Variants in AUTS2 observed in about 807,000 individuals in gnomAD.
The protein encoded by AUTS2 is activator of transcription and developmental regulator AUTS2.
Under a neutral mutation model 112.4 loss-of-function variants are expected in AUTS2, and 17 were observed. That is an observed-to-expected ratio of 0.15 (90% CI 0.10 to 0.23). The LOEUF (loss-of-function observed/expected upper bound fraction) is 0.23. Ranked by LOEUF, AUTS2 falls within the 10% of genes least tolerant of loss-of-function variation. The pLI is 1.00. For missense variants in AUTS2, 1,510 were observed against 1,701.6 expected, an observed-to-expected ratio of 0.89 and a Z score of 1.98; for synonymous variants, 751 against 702.7, an observed-to-expected ratio of 1.07 and a Z score of -1.09.
chr7:70,724,463 T>TTTTTTTTTTTTTA (rs1786896228), intron 6 of AUTS2, among the ~76,000 whole-genome samples: 1 of 143,646 alleles, frequency 7.0e-6, no homozygotes, highest in Non-Finnish European at 1.5e-5. Context: ...TTTTTTTTTT[T>TTTTTTTTTTTTTA]GAGACAGAGT....
chr7:69,969,762 A>C (rs1797773956), intron 2 of AUTS2, among the ~76,000 whole-genome samples: 1 of 152,196 alleles, frequency 6.6e-6, no homozygotes, highest in African/African-American at 2.4e-5. Flanking sequence ...CAAAAAAAGA[A>C]ATTCCTCTCT....
At position 70,152,808 on chromosome 7, in the gene AUTS2, G is replaced by C. The variant is rs377085312; in HGVS notation, c.660+18237G>C. Among the ~76,000 whole-genome samples, 3 of 152,126 alleles carry C rather than the reference G, an allele frequency of 2.0e-5. No homozygotes were observed. In the East Asian group the frequency reaches 5.8e-4, roughly 29 times the overall value. On this transcript the variant is annotated intron_variant, in intron 4 of 18. Coordinates refer to ENST00000342771, the MANE Select transcript of AUTS2 (RefSeq NM_015570.4). Reference sequence around the variant, plus strand: ...AAATTAAAACCATAATAGGTATATAGTAATATATTATTACACACCTATTAA... The same window carrying C: ...AAATTAAAACCATAATAGGTATATACTAATATATTATTACACACCTATTAA...
chr7:70,357,800 C>G (rs1482266672), intron 4 of AUTS2, among the ~76,000 whole-genome samples: 1 of 152,114 alleles, frequency 6.6e-6, no homozygotes. Context: ...GGGAAGAAAG[C>G]CAATTCTGAG....
chr7:70,320,316 A>G (rs187455730), intron 4 of AUTS2, among the ~76,000 whole-genome samples: 10 of 152,318 alleles, frequency 6.6e-5, no homozygotes, highest in African/African-American at 2.2e-4. Context: ...GAAGGGATAC[A>G]TGTCACTTAT....
chr7:69,916,009 G>A (rs1024402125), intron 2 of AUTS2, among the ~76,000 whole-genome samples: 6 of 152,214 alleles, frequency 3.9e-5, no homozygotes, highest in South Asian at 2.1e-4. Flanking sequence ...GTGAGCCACC[G>A]TGCCTGGCCT....
chr7:69,951,133 A>G (rs1214939311), intron 2 of AUTS2, among the ~76,000 whole-genome samples: 1 of 152,174 alleles, frequency 6.6e-6, no homozygotes, highest in South Asian at 2.1e-4. Flanking sequence ...ATTTTATTGT[A>G]GATTTCAATA....
chr7:70,671,200 AAAAC>A (rs1037260835), intron 5 of AUTS2, among the ~76,000 whole-genome samples: 22 of 152,142 alleles, frequency 1.4e-4, no homozygotes, highest in African/African-American at 4.8e-4. Flanking sequence ...CAAACAAACA[AAAAC>A]AAACAACAAA....
chr7:70,443,678 T>A (rs2130960114), intron 5 of AUTS2, among the ~76,000 whole-genome samples: 1 of 152,294 alleles, frequency 6.6e-6, no homozygotes, highest in East Asian at 1.9e-4. Flanking sequence ...CTAAACAGGG[T>A]CCTTATCTGT....
chr7:70,107,824 C>T (rs1804852488), intron 2 of AUTS2, among the ~76,000 whole-genome samples: 1 of 150,278 alleles, frequency 6.7e-6, no homozygotes, highest in Non-Finnish European at 1.5e-5. Context: ...CCATCCTGGC[C>T]AACAAGGTGA....
chr7:70,377,073 G>A (rs915171600), intron 4 of AUTS2, among the ~76,000 whole-genome samples: 1 of 151,366 alleles, frequency 6.6e-6, no homozygotes, highest in African/African-American at 2.4e-5. Flanking sequence ...GAATACTTTG[G>A]ATTGTTATTT....
chr7:70,443,699 A>G (rs928864122), intron 5 of AUTS2, among the ~76,000 whole-genome samples: 2 of 152,228 alleles, frequency 1.3e-5, no homozygotes, highest in African/African-American at 4.8e-5. Context: ...TTGTTGGTTC[A>G]GTCTTTCAGT....
chr7:70,581,746 C>A (rs1260600907), intron 5 of AUTS2, among the ~76,000 whole-genome samples: 3 of 152,180 alleles, frequency 2.0e-5, no homozygotes, highest in African/African-American at 7.2e-5. Context: ...TTTGGGGAGC[C>A]TTCCCTGACT....
intron 2 of AUTS2, among the ~76,000 whole-genome samples, chr7:69,972,337 A>G (rs1797881726): frequency 6.6e-6 from 1 of 152,130 alleles, no homozygotes; most frequent in South Asian, 2.1e-4. Context: ...ACAGTTCCTA[A>G]TATTTTCTAG....
intron 2 of AUTS2, among the ~76,000 whole-genome samples, chr7:69,950,190 A>G (rs114261742): frequency 0.031 from 4,699 of 152,200 alleles, 264 homozygotes; most frequent in African/African-American, 0.11. Flanking sequence ...ATCTATATCT[A>G]TACCTATATA....
At chr7:70,688,159 C>T (rs1808563066) in intron 5 of AUTS2, among the ~76,000 whole-genome samples, 1 of 152,168 alleles carries the variant, frequency 6.6e-6, no homozygotes, top group African/African-American at 2.4e-5. Context: ...TTATCAGTTA[C>T]CCAGACACTT....
chr7:69,624,474 G>A (rs1793840822), intron 1 of AUTS2, among the ~76,000 whole-genome samples: 1 of 152,336 alleles, frequency 6.6e-6, no homozygotes, highest in South Asian at 2.1e-4. Context: ...TTCTTAGTGA[G>A]AGAAGGTCTA....
intron 5 of AUTS2, among the ~76,000 whole-genome samples, chr7:70,665,637 A>C (rs1807305299): frequency 6.6e-6 from 1 of 152,148 alleles, no homozygotes; most frequent in African/African-American, 2.4e-5. Context: ...CATTCCATTT[A>C]GCTACAGAAG....
At chr7:70,644,613 C>G (rs775598834) in intron 5 of AUTS2, among the ~76,000 whole-genome samples, 53 of 152,086 alleles carry the variant, frequency 3.5e-4, no homozygotes, top group Non-Finnish European at 6.5e-4. Context: ...CTATTCACCC[C>G]CACCCCTCCT....
At chr7:69,885,034 G>T (rs1257000759) in intron 1 of AUTS2, among the ~76,000 whole-genome samples, 1 of 152,158 alleles carries the variant, frequency 6.6e-6, no homozygotes, top group Non-Finnish European at 1.5e-5. Flanking sequence ...AAGACTGGGG[G>T]TGAAGATTGA....
Sources: gnomAD v4.1 joint callset for allele counts (sites outside exome capture counted in the v4.1 genomes callset) on GRCh38, gnomAD v4.1.1 for gene constraint, MANE v1.5 for transcripts, NCBI Gene and HGNC (gene_info 2026-07-23, HGNC 2026-07-21) for gene names.